The following MPLKIP variants were observed in gnomAD, a reference collection of about 807,000 sequenced individuals.
MPLKIP encodes M-phase-specific PLK1-interacting protein.
Under a neutral mutation model 16.9 loss-of-function variants are expected in MPLKIP, and 16 were observed. That is an observed-to-expected ratio of 0.94 (90% CI 0.64 to 1.43). The LOEUF is 1.43. Among genes scored for constraint, MPLKIP ranks in the 40% most tolerant of loss-of-function variants. MPLKIP has a pLI of 0.00. For synonymous variants in MPLKIP, 126 were observed against 98.4 expected (o/e 1.28, Z -1.66); for missense variants, 282 against 237.6 (o/e 1.19, Z -1.23).
Position 40,134,535 on chromosome 7 carries a change from A to AG in MPLKIP, c.32dup (p.Pro12SerfsTer12). On this transcript the variant is annotated frameshift_variant, in exon 1 of 2. Coordinates refer to ENST00000306984, the MANE Select transcript of MPLKIP (RefSeq NM_138701.4). LOFTEE classifies it high-confidence loss of function. Reference sequence around the variant, plus strand: ...CTCCTCCACCCGGACCAGGGTAAGGAGGAGTTGGGGGCCGAAAATTCTGTC... The same window carrying AG: ...CTCCTCCACCCGGACCAGGGTAAGGAGGGAGTTGGGGGCCGAAAATTCTGTC... 1 of 1,594,090 alleles carries AG rather than the reference A, an allele frequency of 6.3e-7. No individual in the cohort carries two copies. Among genetic ancestry groups the AG allele is most frequent in the South Asian group, 1.1e-5 (1 of 88,408 alleles).
chr7:40,133,028 A>G lies in MPLKIP; in HGVS notation c.*31T>C. 6.3e-7 allele frequency: 1 copy of G among 1,591,322 alleles called. No individual in the cohort carries two copies. Among genetic ancestry groups the G allele is most frequent in the Non-Finnish European group, 8.6e-7 (1 of 1,160,154 alleles). ...AAGTTTTGTCCAAGATGTTCCTGAC[A>G]CATGAAGCTTCCAGTTGAATTTCAG... On this transcript the variant is annotated 3_prime_UTR_variant, in exon 2 of 2. Transcript: ENST00000306984.
Position 40,134,349 on chromosome 7 carries a change from G to A in MPLKIP, c.219C>T (p.Phe73=), listed in dbSNP as rs564028324. ...SSHSPRHGGS[F]PGGRFGSPSP... is the part of the protein sequence containing the mutation. ...ACGGAGACCCGAACCGGCCCCCCGG[G>A]AAGCTGCCGCCGTGTCGCGGAGAGT... Residue 73 remains phenylalanine (F), a synonymous_variant, in exon 1 of 2, where the codon TTC becomes TTT. Transcript: ENST00000306984. The A allele has an allele frequency of 6.3e-5, 98 of 1,553,172 alleles. 3 individuals carry two copies. In the South Asian group the frequency reaches 1.1e-3, roughly 17 times the overall value.
Position 40,134,527 on chromosome 7 carries a change from G to A in MPLKIP, c.41C>T (p.Pro14Leu), listed in dbSNP as rs1006773863. The change falls in exon 1 of 2, where the codon CCT becomes CTT. Residue 14 changes from proline to leucine, a missense_variant. Coordinates refer to ENST00000306984, the MANE Select transcript of MPLKIP (RefSeq NM_138701.4). ...ACCCCAACCTCCTCCACCCGGACCA[G>A]GGTAAGGAGGAGTTGGGGGCCGAAA... Reference protein sequence around the residue: ...QNFRPPTPPYPGPGGGGWGSG... With the variant: ...QNFRPPTPPYLGPGGGGWGSG... The A allele has an allele frequency of 8.8e-6, 14 of 1,595,038 alleles. No individual in the cohort carries two copies. Among genetic ancestry groups the A allele is most frequent in the Non-Finnish European group, 1.2e-5 (14 of 1,172,472 alleles).
rs1455543926 is a variant in MPLKIP at position 40,130,003 on chromosome 7, G to T, written c.*3056C>A. The T allele has an allele frequency of 6.6e-6, 1 of 152,132 alleles. No individual in the cohort carries two copies. Among genetic ancestry groups the T allele is most frequent in the Non-Finnish European group, 1.5e-5 (1 of 68,026 alleles). The allele number at this position is 152,132 out of a possible 1,614,324, so 9.4% of individuals were successfully genotyped here. A position where few individuals can be genotyped will look rare whatever the true frequency, so the allele number is the denominator to read the frequency against. The stretch of plus-strand genomic sequence containing the variant: ...AGAACTGGCATGATCCCTTGATATG[G>T]ATATGTTTTTATGTAGGTCAATTTT... On this transcript the variant is annotated 3_prime_UTR_variant, in exon 2 of 2. Coordinates refer to ENST00000306984, the MANE Select transcript of MPLKIP (RefSeq NM_138701.4).
intron 1 of MPLKIP, 106 bp downstream of exon 1, chr7:40,134,123 A>G (rs1372629296): frequency 4.4e-6 from 6 of 1,355,370 alleles, no homozygotes; most frequent in Non-Finnish European, 2.0e-6. Flanking sequence ...TTGGGCTAAC[A>G]ATAGTACCTC....
rs994904435 is a variant in MPLKIP at position 40,134,253 on chromosome 7, T to C, written c.315A>G (p.Pro105=). Residue 105 remains proline (P), a synonymous_variant, in exon 1 of 2, where the codon CCA becomes CCG. Transcript: ENST00000306984. ...AGSQQQFGYS[P]GQQQTHPQGS... ...CCTGGGGGTGGGTCTGCTGCTGCCCTGGGGAGTAGCCGAATTGCTGCTGGG... is the reference window on the plus strand; with the variant it reads ...CCTGGGGGTGGGTCTGCTGCTGCCCCGGGGAGTAGCCGAATTGCTGCTGGG... 5 of 1,559,126 alleles carry C rather than the reference T, an allele frequency of 3.2e-6. No homozygotes were observed. Among genetic ancestry groups the C allele is most frequent in the Admixed American group, 1.9e-5 (1 of 51,956 alleles).
chr7:40,131,849 AAAAC>A lies in MPLKIP; in HGVS notation c.*1206_*1209del, dbSNP rs1787467438. The A allele has an allele frequency of 7.2e-6, 1 of 139,412 alleles. No homozygotes were observed. Among genetic ancestry groups the A allele is most frequent in the South Asian group, 2.1e-4 (1 of 4,798 alleles). 8.6% of individuals were successfully genotyped at this position (139,412 alleles called of 1,614,324 possible). On this transcript the variant is annotated 3_prime_UTR_variant, in exon 2 of 2. Coordinates refer to ENST00000306984, the MANE Select transcript of MPLKIP (RefSeq NM_138701.4). ...TGAGACCCTATTTCAAAAACAAAAC[AAAAC>A]AAACAAAAAAAACAAAACATGGTCT...
Position 40,129,979 on chromosome 7 carries a change from G to C in MPLKIP, c.*3080C>G, listed in dbSNP as rs188964327. The C allele has an allele frequency of 3.9e-5, 6 of 152,280 alleles. No homozygotes were observed. In the East Asian group the frequency reaches 1.2e-3, roughly 29 times the overall value. The allele number at this position is 152,280 out of a possible 1,614,324, so 9.4% of individuals were successfully genotyped here. A position where few individuals can be genotyped will look rare whatever the true frequency, so the allele number is the denominator to read the frequency against. On this transcript the variant is annotated 3_prime_UTR_variant, in exon 2 of 2. Transcript: ENST00000306984. ...ATTACCAAAAGGCAGCAGGGAAAAA[G>C]AACTGGCATGATCCCTTGATATGGA...
rs1442653104 is a variant in MPLKIP, at chr7:40,132,788, A to G, written c.*271T>C. 4.4e-6 allele frequency: 2 copies of G among 455,550 alleles called. No individual in the cohort carries two copies. Among genetic ancestry groups the G allele is most frequent in the Non-Finnish European group, 8.0e-6 (2 of 250,658 alleles). 28.2% of individuals were successfully genotyped at this position (455,550 alleles called of 1,614,324 possible). On this transcript the variant is annotated 3_prime_UTR_variant, in exon 2 of 2. Transcript: ENST00000306984. The stretch of plus-strand genomic sequence containing the variant: ...TTTAAAACATTGAAAAAACATTAAA[A>G]GACAAATGTCCATTATGTAACCAGG...
Sources: gnomAD v4.1 joint callset for allele counts on GRCh38, gnomAD v4.1.1 for gene constraint, MANE v1.5 for transcripts, NCBI Gene and HGNC (gene_info 2026-07-23, HGNC 2026-07-21) for gene names.